PTPRT: variants seen among roughly 807,000 people sequenced by gnomAD.
PTPRT encodes receptor-type tyrosine-protein phosphatase T.
PTPRT carries 56 observed loss-of-function variants against 176.8 expected under a neutral mutation model. That is an observed-to-expected ratio of 0.32 (90% CI 0.26 to 0.40). The LOEUF is 0.40. Ranked by LOEUF, PTPRT falls within the 10% of genes least tolerant of loss-of-function variation. The pLI, the probability that PTPRT is intolerant of heterozygous loss-of-function variation, is 1.00. For synonymous variants in PTPRT, 783 were observed against 739.0 expected, an observed-to-expected ratio of 1.06 and a Z score of -0.96; for missense variants, 1,540 against 1,908.2, an observed-to-expected ratio of 0.81 and a Z score of 3.60.
intron 1 of PTPRT, among the ~76,000 whole-genome samples, chr20:42,945,430 G>A (rs1419437996): frequency 6.6e-6 from 1 of 152,158 alleles, no homozygotes; most frequent in Non-Finnish European, 1.5e-5. Context: ...TGTCTGCCAG[G>A]GCGTCTGCTG....
At chr20:42,195,390 C>G (rs1410827770) in intron 16 of PTPRT, among the ~76,000 whole-genome samples, 1 of 152,174 alleles carries the variant, frequency 6.6e-6, no homozygotes, top group Non-Finnish European at 1.5e-5. Context: ...CAGTCACTTC[C>G]CTAATGCCAC....
chr20:42,639,128 T>A (rs2074677351), intron 7 of PTPRT, among the ~76,000 whole-genome samples: 1 of 152,160 alleles, frequency 6.6e-6, no homozygotes. Flanking sequence ...AAGGCCCAAA[T>A]GCACACTTGA....
chr20:43,115,170 C>A (rs1001928286), intron 1 of PTPRT, among the ~76,000 whole-genome samples: 1 of 152,204 alleles, frequency 6.6e-6, no homozygotes, highest in Non-Finnish European at 1.5e-5. Flanking sequence ...CTGAGAAGGA[C>A]ATGGCCTCCT....
intron 2 of PTPRT, among the ~76,000 whole-genome samples, chr20:42,878,738 A>G (rs1347624901): frequency 6.6e-6 from 1 of 152,228 alleles, no homozygotes; most frequent in African/African-American, 2.4e-5. Context: ...CTTAGAAGAA[A>G]GCAACGCTGG....
At chr20:42,265,312 T>C (rs988736586) in intron 13 of PTPRT, among the ~76,000 whole-genome samples, 6 of 152,092 alleles carry the variant, frequency 3.9e-5, no homozygotes, top group African/African-American at 1.4e-4. Context: ...TGAATTCTAG[T>C]TTCATCATTT....
intron 13 of PTPRT, among the ~76,000 whole-genome samples, chr20:42,273,826 T>G (rs566516368): frequency 1.3e-5 from 2 of 152,370 alleles, no homozygotes; most frequent in East Asian, 3.9e-4. Context: ...TGAAGTCATC[T>G]TGAGGATCAA....
At chr20:42,359,313 A>G (rs2058399996) in intron 9 of PTPRT, among the ~76,000 whole-genome samples, 2 of 152,284 alleles carry the variant, frequency 1.3e-5, no homozygotes, top group South Asian at 2.1e-4. Flanking sequence ...CCTTGTTTCA[A>G]CCAGAAGCAG....
At chr20:42,927,084 T>C (rs755130084) in intron 1 of PTPRT, among the ~76,000 whole-genome samples, 2 of 152,226 alleles carry the variant, frequency 1.3e-5, no homozygotes, top group Admixed American at 6.5e-5. Flanking sequence ...TGACTTTCGA[T>C]GTCCACCAAG....
chr20:42,480,834 T>C (rs941525303), intron 7 of PTPRT, among the ~76,000 whole-genome samples: 2 of 152,122 alleles, frequency 1.3e-5, no homozygotes, highest in African/African-American at 4.8e-5. Flanking sequence ...TAGATGATAA[T>C]AAAAGCAAGC....
chr20:42,344,980 C>T (rs2058166581), intron 11 of PTPRT, among the ~76,000 whole-genome samples: 1 of 152,116 alleles, frequency 6.6e-6, no homozygotes, highest in East Asian at 1.9e-4. Flanking sequence ...TTAAGCAACA[C>T]TGCCTCCAGG....
intron 1 of PTPRT, among the ~76,000 whole-genome samples, chr20:42,965,635 C>T (rs181384213): frequency 8.9e-4 from 135 of 152,264 alleles, no homozygotes; most frequent in African/African-American, 3.1e-3. Context: ...ATAATCTTAA[C>T]CAGAAAGATT....
chr20:42,563,796 A>G (rs2072993703), intron 7 of PTPRT, among the ~76,000 whole-genome samples: 1 of 152,240 alleles, frequency 6.6e-6, no homozygotes, highest in Non-Finnish European at 1.5e-5. Flanking sequence ...GTGCACACAC[A>G]TGCCCACGGC....
At chr20:42,706,852 G>A (rs2076067620) in intron 6 of PTPRT, among the ~76,000 whole-genome samples, 1 of 152,184 alleles carries the variant, frequency 6.6e-6, no homozygotes, top group South Asian at 2.1e-4. Flanking sequence ...TTTGGAAATA[G>A]GGTTGTTGCA....
At chr20:43,005,517 G>C (rs567591573) in intron 1 of PTPRT, among the ~76,000 whole-genome samples, 1 of 152,120 alleles carries the variant, frequency 6.6e-6, no homozygotes, top group African/African-American at 2.4e-5. Context: ...ACAACACCCT[G>C]CTTGTCTCCT....
intron 6 of PTPRT, chr20:42,687,979 G>A (rs1366773980): frequency 1.3e-5 from 2 of 152,182 alleles, no homozygotes; most frequent in African/African-American, 4.8e-5. Context: ...TGCATTTATA[G>A]ATGAGGAGAC....
rs2071637444 is a variant in PTPRT at position 42,495,488 on chromosome 20, C to T, written c.1154-22926G>A. Among the ~76,000 whole-genome samples, 3 of 152,116 alleles carry T rather than the reference C, an allele frequency of 2.0e-5. No homozygotes were observed. In the South Asian group the frequency reaches 6.2e-4, roughly 32 times the overall value. ...TGCACCTGGCATCCTACCCTTTATG[C>T]CCAAAGAATTAACAAGGAGAAGAAG... is the stretch of plus-strand genomic sequence containing the variant. On this transcript the variant is annotated intron_variant, in intron 7 of 30. Coordinates refer to ENST00000373187, the MANE Select transcript of PTPRT (RefSeq NM_007050.6).
intron 1 of PTPRT, among the ~76,000 whole-genome samples, chr20:43,088,063 A>C (rs1336509729): frequency 9.8e-6 from 1 of 102,046 alleles, no homozygotes; most frequent in Non-Finnish European, 2.0e-5. Context: ...TAAATGATCA[A>C]TGTTGAGACG....
intron 9 of PTPRT, among the ~76,000 whole-genome samples, chr20:42,421,235 C>T (rs972757813): frequency 3.3e-4 from 50 of 151,010 alleles, no homozygotes; most frequent in African/African-American, 1.0e-3. Context: ...AAGTTCCTGA[C>T]CCCCTAACAT....
At chr20:42,135,508 T>C (rs1053350470) in intron 18 of PTPRT, among the ~76,000 whole-genome samples, 2 of 152,182 alleles carry the variant, frequency 1.3e-5, no homozygotes, top group African/African-American at 2.4e-5. Flanking sequence ...GTGATTCTGA[T>C]ACACGTTCAG....
Sources: gnomAD v4.1 joint callset for allele counts (sites outside exome capture counted in the v4.1 genomes callset) on GRCh38, gnomAD v4.1.1 for gene constraint, MANE v1.5 for transcripts, NCBI Gene and HGNC (gene_info 2026-07-23, HGNC 2026-07-21) for gene names.